Variants in TRERF1 observed in about 807,000 individuals in gnomAD.
TRERF1 encodes the protein transcriptional regulating factor 1.
TRERF1 carries 27 observed loss-of-function variants against 122.9 expected under a neutral mutation model. The ratio of observed to expected loss-of-function variants is 0.22; its 90% confidence interval spans 0.16 to 0.30. The LOEUF is 0.30. Among genes scored for constraint, TRERF1 ranks in the 10% least tolerant of loss-of-function variants. The pLI is 1.00. For synonymous variants in TRERF1, 636 were observed against 641.7 expected (o/e 0.99, Z 0.13); for missense variants, 1,248 against 1,560.3 (o/e 0.80, Z 3.37).
chr6:42,431,119 G>A (rs989073820), intron 2 of TRERF1, among the ~76,000 whole-genome samples: 9 of 151,726 alleles, frequency 5.9e-5, no homozygotes, highest in African/African-American at 1.9e-4. Flanking sequence ...TAAAGACAAG[G>A]GAAGAGTAAT....
At chr6:42,328,360 T>G (rs1428550014) in intron 3 of TRERF1, among the ~76,000 whole-genome samples, 2 of 152,134 alleles carry the variant, frequency 1.3e-5, no homozygotes, top group Admixed American at 6.5e-5. Flanking sequence ...AACTTTTATT[T>G]TAGGCTCAGG....
chr6:42,359,129 C>G (rs527961447), intron 3 of TRERF1, among the ~76,000 whole-genome samples: 11 of 152,136 alleles, frequency 7.2e-5, no homozygotes, highest in Non-Finnish European at 1.6e-4. Flanking sequence ...AGGCCCTGTG[C>G]CAACCAGTGC....
In TRERF1 at chr6:42,259,213, G is replaced by T; in HGVS notation, c.2269+126C>A. On this transcript the variant is annotated intron_variant, in intron 9 of 17. Transcript: ENST00000372922. This position sits in a 1 kb window ranked among gnomAD's most constrained non-coding sequence, Gnocchi z 4.9. ...CAAGTCTTTCTTAACACCCAGCAGC[G>T]CGTGCTACATACAGCCAATACTCCG... 1 of 1,265,548 alleles carries T rather than the reference G, an allele frequency of 7.9e-7. No individual in the cohort carries two copies. The highest frequency in any genetic ancestry group is 1.0e-6 in the Non-Finnish European group (1 of 960,562). The allele number at this position is 1,265,548 out of a possible 1,614,324, so 78.4% of individuals were successfully genotyped here.
chr6:42,392,098 A>G (rs1777842236), intron 2 of TRERF1, among the ~76,000 whole-genome samples: 1 of 152,128 alleles, frequency 6.6e-6, no homozygotes, highest in Non-Finnish European at 1.5e-5. Context: ...AGATGTGTAC[A>G]CGTATACTTA....
chr6:42,262,956 A>G (rs913070062), intron 8 of TRERF1, among the ~76,000 whole-genome samples: 1 of 152,210 alleles, frequency 6.6e-6, no homozygotes, highest in Non-Finnish European at 1.5e-5. Flanking sequence ...TTTCTGGGAT[A>G]CAGGACTTCC....
intron 2 of TRERF1, among the ~76,000 whole-genome samples, chr6:42,395,317 T>C (rs1274321726): frequency 2.0e-5 from 3 of 152,046 alleles, no homozygotes; most frequent in Non-Finnish European, 2.9e-5. Flanking sequence ...CAACCCAAGA[T>C]GGGGGTAGAG....
intron 4 of TRERF1, among the ~76,000 whole-genome samples, chr6:42,271,905 A>G (rs1780284042): frequency 6.6e-6 from 1 of 152,248 alleles, no homozygotes; most frequent in Non-Finnish European, 1.5e-5. Context: ...ATAAAATTCC[A>G]TAGGGCAAGT....
At chr6:42,361,425 G>A (rs12662424) in intron 3 of TRERF1, among the ~76,000 whole-genome samples, 3 of 148,226 alleles carry the variant, frequency 2.0e-5, no homozygotes, top group African/African-American at 7.3e-5. Context: ...TTGTTTTTTG[G>A]GTTTTTTTGT....
At chr6:42,309,168 C>T (rs543991998) in intron 3 of TRERF1, among the ~76,000 whole-genome samples, 1 of 152,084 alleles carries the variant, frequency 6.6e-6, no homozygotes, top group African/African-American at 2.4e-5. Flanking sequence ...AAGGCAGGGT[C>T]GATTTGTGTA....
At chr6:42,310,549 G>C (rs1561962032) in intron 3 of TRERF1, among the ~76,000 whole-genome samples, 2 of 152,322 alleles carry the variant, frequency 1.3e-5, no homozygotes, top group South Asian at 2.1e-4. Flanking sequence ...ACAGTTGGGG[G>C]AGTTCTTCTA....
At chr6:42,443,976 T>C (rs991744546) in intron 2 of TRERF1, among the ~76,000 whole-genome samples, 2 of 152,136 alleles carry the variant, frequency 1.3e-5, no homozygotes, top group Admixed American at 6.5e-5. Flanking sequence ...GTGAAGATGG[T>C]ACCAGCCCTC....
intron 3 of TRERF1, among the ~76,000 whole-genome samples, chr6:42,318,552 T>C (rs1461643603): frequency 6.6e-6 from 1 of 152,184 alleles, no homozygotes; most frequent in Non-Finnish European, 1.5e-5. Context: ...AAAGGAAATG[T>C]GGGTTAGGTC....
At chr6:42,335,854 G>A (rs1490780890) in intron 3 of TRERF1, among the ~76,000 whole-genome samples, 4 of 152,176 alleles carry the variant, frequency 2.6e-5, no homozygotes, top group Non-Finnish European at 1.5e-5. Context: ...CCCATGGCTT[G>A]ACATTATTTA....
chr6:42,265,553 A>ACCCACCCTCAT (rs1009253812), intron 6 of TRERF1, among the ~76,000 whole-genome samples, 198 bp downstream of exon 6: 11 of 152,248 alleles, frequency 7.2e-5, no homozygotes, highest in African/African-American at 2.2e-4. Flanking sequence ...TCGTAATCAC[A>ACCCACCCTCAT]CCCACCCTCA....
At chr6:42,334,023 ACACG>A (rs1331936527) in intron 3 of TRERF1, among the ~76,000 whole-genome samples, 3 of 146,970 alleles carry the variant, frequency 2.0e-5, no homozygotes, top group African/African-American at 8.1e-5. Context: ...ACACACACAC[ACACG>A]TATGTACACA....
intron 15 of TRERF1, among the ~76,000 whole-genome samples, chr6:42,241,050 G>A (rs1166097476): frequency 8.6e-5 from 13 of 152,036 alleles, no homozygotes; most frequent in Non-Finnish European, 1.5e-4. Context: ...GCACTACCAC[G>A]TCCAGTTAAT....
exon 10 of TRERF1, chr6:42,258,188 G>T: frequency 6.2e-7 from 1 of 1,614,162 alleles, no homozygotes; most frequent in Non-Finnish European, 8.5e-7. Context: ...TCACGTTGCT[G>T]CCATCGATGC....
At position 42,263,212 on chromosome 6, in the gene TRERF1, G is replaced by A; in HGVS notation, c.1884+108C>T. 1 of 1,463,780 alleles carries A rather than the reference G, an allele frequency of 6.8e-7. No homozygotes were observed. The highest frequency in any genetic ancestry group is 9.0e-7 in the Non-Finnish European group (1 of 1,105,286). 90.7% of individuals were successfully genotyped at this position (1,463,780 alleles called of 1,614,324 possible). On this transcript the variant is annotated intron_variant, in intron 8 of 17. Transcript: ENST00000372922. The surrounding 1 kb of genome is among the most constrained non-coding windows in gnomAD (Gnocchi z 5.6). ...GAAGGGCCGCCCCATCTCCAAGAAA[G>A]CAAAGGGATGTCCCCACCCAGGCAG...
intron 2 of TRERF1, among the ~76,000 whole-genome samples, chr6:42,443,855 C>A (rs551080168): frequency 6.6e-6 from 1 of 152,186 alleles, no homozygotes; most frequent in African/African-American, 2.4e-5. Flanking sequence ...GAAAAGAAGA[C>A]CTGGCTGAAG....
Sources: gnomAD v4.1 joint callset for allele counts (sites outside exome capture counted in the v4.1 genomes callset) on GRCh38, gnomAD v4.1.1 for gene constraint, Gnocchi (gnomAD v3.1) non-coding constraint, MANE v1.5 for transcripts, NCBI Gene and HGNC (gene_info 2026-07-23, HGNC 2026-07-21) for gene names.